The following TENM2 variants were observed in gnomAD, a reference collection of about 807,000 sequenced individuals.
The protein encoded by TENM2 is teneurin-2.
TENM2 carries 52 observed loss-of-function variants against 245.2 expected under a neutral mutation model. That is an observed-to-expected ratio of 0.21 (90% CI 0.17 to 0.27). The LOEUF (loss-of-function observed/expected upper bound fraction) is 0.27. TENM2 is among the 10% of genes least tolerant of loss of function. The pLI is 1.00. For synonymous variants in TENM2, 1,363 were observed against 1,438.9 expected (o/e 0.95, Z 1.19); for missense variants, 3,046 against 3,666.8 (o/e 0.83, Z 4.37).
In TENM2 at chr5:168,087,595, C is replaced by T. The variant is rs565582297; in HGVS notation, c.1516-2979C>T. Among the ~76,000 whole-genome samples the T allele has an allele frequency of 6.8e-5, 10 of 147,264 alleles. No homozygotes were observed. In the South Asian group the frequency reaches 1.3e-3, roughly 19 times the overall value. Reference sequence around the variant, plus strand: ...TTGCATTCCAGCCTGGGTGACAGAGCGAGACTCCATCTCAAAAAAAAAAAA... The same window carrying T: ...TTGCATTCCAGCCTGGGTGACAGAGTGAGACTCCATCTCAAAAAAAAAAAA... On this transcript the variant is annotated intron_variant, in intron 7 of 28. Coordinates refer to ENST00000518659, the Ensembl canonical transcript of TENM2.
At chr5:167,312,226 C>CATACATATAT (rs1226852437) in intron 1 of TENM2, among the ~76,000 whole-genome samples, 6 of 152,166 alleles carry the variant, frequency 3.9e-5, no homozygotes, top group African/African-American at 1.2e-4. Context: ...TATTTGTGTT[C>CATACATATAT]ATGAACATAC....
At chr5:167,814,265 G>A (rs950022438) in intron 2 of TENM2, among the ~76,000 whole-genome samples, 1 of 152,006 alleles carries the variant, frequency 6.6e-6, no homozygotes, top group Non-Finnish European at 1.5e-5. Flanking sequence ...AAAATAAATA[G>A]CATTTTAACA....
chr5:167,003,243 T>C, the TENM2 span, among the ~76,000 whole-genome samples: 1 of 152,216 alleles, frequency 6.6e-6, no homozygotes, highest in Non-Finnish European at 1.5e-5. Flanking sequence ...TAACATAGGA[T>C]ACAGCAGAAT....
intron 2 of TENM2, among the ~76,000 whole-genome samples, chr5:167,841,207 C>T (rs60519985): frequency 0.015 from 2,247 of 152,148 alleles, 66 homozygotes; most frequent in African/African-American, 0.05. Context: ...CAGGCGCCCA[C>T]CACCATGCCC....
intron 15 of TENM2, among the ~76,000 whole-genome samples, chr5:168,196,820 C>G (rs1015931648): frequency 6.6e-6 from 1 of 152,222 alleles, no homozygotes; most frequent in African/African-American, 2.4e-5. Context: ...CATGAAACAA[C>G]AGAAGGAGAC....
At chr5:167,224,218 T>A in the TENM2 span, among the ~76,000 whole-genome samples, 3 of 152,138 alleles carry the variant, frequency 2.0e-5, no homozygotes, top group Non-Finnish European at 2.9e-5. Context: ...TATCTGTTTA[T>A]GTTTTTGTTG....
chr5:167,054,824 T>A, the TENM2 span, among the ~76,000 whole-genome samples: 1 of 152,146 alleles, frequency 6.6e-6, no homozygotes, highest in South Asian at 2.1e-4. Context: ...TTTTTGTATC[T>A]TCTTTGGTGA....
chr5:167,625,166 G>A (rs1473255548), intron 2 of TENM2, among the ~76,000 whole-genome samples: 2 of 152,090 alleles, frequency 1.3e-5, no homozygotes, highest in Non-Finnish European at 1.5e-5. Flanking sequence ...TATTCTCATC[G>A]TAGCAACTCC....
chr5:167,842,359 C>T (rs1434055422), intron 2 of TENM2, among the ~76,000 whole-genome samples: 1 of 151,974 alleles, frequency 6.6e-6, no homozygotes, highest in Non-Finnish European at 1.5e-5. Context: ...GAGGCTGAGG[C>T]GGTTGGATCA....
chr5:167,966,009 C>T (rs1294411758), intron 4 of TENM2, among the ~76,000 whole-genome samples: 1 of 152,046 alleles, frequency 6.6e-6, no homozygotes, highest in African/African-American at 2.4e-5. Context: ...TGGCATAAGG[C>T]GAGAAATGAT....
chr5:167,664,739 C>T (rs1404433126), intron 2 of TENM2, among the ~76,000 whole-genome samples: 1 of 152,192 alleles, frequency 6.6e-6, no homozygotes, highest in Non-Finnish European at 1.5e-5. Flanking sequence ...ATAGTCCCCA[C>T]TATTCAGTAT....
At chr5:168,139,204 C>T (rs1755325180) in intron 12 of TENM2, among the ~76,000 whole-genome samples, 1 of 152,168 alleles carries the variant, frequency 6.6e-6, no homozygotes, top group Admixed American at 6.5e-5. Flanking sequence ...ATGACTCCCT[C>T]ATAAGTGTTA....
intron 2 of TENM2, among the ~76,000 whole-genome samples, chr5:167,631,535 C>T (rs1000983418): frequency 2.6e-5 from 4 of 152,046 alleles, no homozygotes; most frequent in East Asian, 1.9e-4. Context: ...TTATGTAAGT[C>T]GTGCAGGCCT....
At chr5:167,821,999 A>G (rs1191935424) in intron 2 of TENM2, among the ~76,000 whole-genome samples, 2 of 152,104 alleles carry the variant, frequency 1.3e-5, no homozygotes, top group African/African-American at 2.4e-5. Context: ...TAAAGGCGAA[A>G]CAGGGTTTTT....
chr5:167,982,889 T>A (rs1472516251), intron 4 of TENM2, among the ~76,000 whole-genome samples: 4 of 152,214 alleles, frequency 2.6e-5, no homozygotes, highest in Non-Finnish European at 5.9e-5. Context: ...ACTGTCTAAC[T>A]GTCTGAATGG....
At chr5:167,327,956 G>A (rs1167956331) in intron 1 of TENM2, among the ~76,000 whole-genome samples, 2 of 152,168 alleles carry the variant, frequency 1.3e-5, no homozygotes, top group Non-Finnish European at 2.9e-5. Context: ...ATTAAAAGAT[G>A]ATGGTGATTT....
chr5:168,002,184 A>G (rs921578633), intron 5 of TENM2, among the ~76,000 whole-genome samples: 10 of 152,208 alleles, frequency 6.6e-5, no homozygotes, highest in African/African-American at 1.7e-4. Context: ...CATTTCTTTC[A>G]TCATGACTTT....
At chr5:167,777,311 T>C (rs1247095351) in intron 2 of TENM2, among the ~76,000 whole-genome samples, 1 of 152,212 alleles carries the variant, frequency 6.6e-6, no homozygotes, top group South Asian at 2.1e-4. Flanking sequence ...TTATGATGGA[T>C]TTGTATTCTT....
At chr5:167,258,215 G>GTATATATATATGTGTATATATA in the TENM2 span, among the ~76,000 whole-genome samples, 34 of 122,882 alleles carry the variant, frequency 2.8e-4, no homozygotes, top group African/African-American at 9.7e-4. Flanking sequence ...ATATATATAT[G>GTATATATATATGTGTATATATA]TATATATATA....
Sources: gnomAD v4.1 joint callset for allele counts (sites outside exome capture counted in the v4.1 genomes callset) on GRCh38, gnomAD v4.1.1 for gene constraint, MANE v1.5 for transcripts, NCBI Gene and HGNC (gene_info 2026-07-23, HGNC 2026-07-21) for gene names.